ACSL6: variants seen among roughly 807,000 people sequenced by gnomAD.
ACSL6 encodes the protein acyl-CoA synthetase long chain family member 6, also known as long-chain-fatty-acid--CoA ligase 6.
In ACSL6, 47 loss-of-function variants were observed where a neutral mutation model predicts 98.2. The ratio of observed to expected loss-of-function variants is 0.48; its 90% CI spans 0.38 to 0.61. The LOEUF (loss-of-function observed/expected upper bound fraction) is 0.61. ACSL6 is among the 20% of genes least tolerant of loss of function. The pLI is 0.00. For synonymous variants in ACSL6, 362 were observed against 336.9 expected (o/e 1.07, Z -0.82); for missense variants, 761 against 913.4 (o/e 0.83, Z 2.15).
rs867975684 is a variant in ACSL6, at chr5:132,004,219, C to T, written c.49+7286G>A. 7.7e-3 allele frequency among the ~76,000 whole-genome samples: 1,065 copies of T among 138,986 alleles called. 14 individuals are homozygous for T. The highest frequency in any genetic ancestry group is 0.025 in the African/African-American group (949 of 37,898). The allele number at this position is 138,986 out of a possible 152,430, so 91.2% of individuals were successfully genotyped here. ...TCCATGCCAAGGTCAGGCTTCTATC[C>T]TTTTTTTTTTTTTTTGGCTGACTTT... On this transcript the variant is annotated intron_variant, in intron 1 of 20. Transcript: ENST00000651883.
chr5:131,972,137 A>G (rs1418990241), intron 13 of ACSL6, among the ~76,000 whole-genome samples: 1 of 152,252 alleles, frequency 6.6e-6, no homozygotes, highest in Non-Finnish European at 1.5e-5. Context: ...AAGTTGAGCC[A>G]AGATATTTTA....
chr5:131,967,114 G>A (rs1481156248), intron 16 of ACSL6, among the ~76,000 whole-genome samples: 1 of 152,164 alleles, frequency 6.6e-6, no homozygotes, highest in African/African-American at 2.4e-5. Flanking sequence ...GGAAGCCGAG[G>A]CAGGAAGGAT....
At chr5:131,991,065 C>G in intron 2 of ACSL6, 98 bp from the exon 3 acceptor site, 1 of 977,278 alleles carries the variant, frequency 1.0e-6, no homozygotes, top group Non-Finnish European at 1.6e-6. Context: ...CTCGGATGTA[C>G]AACCCGTGCA....
At chr5:131,959,700 T>C (rs1752597749) in intron 19 of ACSL6, 93 bp from the exon 20 acceptor site, 1 of 1,231,242 alleles carries the variant, frequency 8.1e-7, no homozygotes, top group Non-Finnish European at 1.2e-6. Context: ...GTACAACTGA[T>C]GATTGTGCCA....
rs915327796 is a variant in ACSL6 at position 131,973,179 on chromosome 5, T to C, written c.1203+87A>G. 5.2e-6 allele frequency: 8 copies of C among 1,527,712 alleles called. No homozygotes were observed. In the African/African-American group the frequency reaches 9.6e-5, roughly 18 times the overall value. The allele number at this position is 1,527,712 out of a possible 1,614,324, so 94.6% of individuals were successfully genotyped here. On this transcript the variant is annotated intron_variant, in intron 12 of 20. Transcript: ENST00000651883. ...TTCCAGGACTTGGCAGTGGAGGCAC[T>C]GAAAGCCTGCCTGGGGCTCCAGACC...
intron 2 of ACSL6, among the ~76,000 whole-genome samples, chr5:131,992,912 G>A (rs768433098): frequency 6.6e-5 from 10 of 152,206 alleles, no homozygotes; most frequent in Non-Finnish European, 1.3e-4. Context: ...GAAAGCAGGT[G>A]CTCTTTTTAT....
At chr5:131,965,334 C>T (rs751959088) in intron 17 of ACSL6, among the ~76,000 whole-genome samples, 22 of 152,164 alleles carry the variant, frequency 1.4e-4, no homozygotes, top group Non-Finnish European at 2.5e-4. Context: ...CCTATGTGCC[C>T]GGTACTGTGC....
At chr5:131,971,759 G>A (rs750192048) in intron 13 of ACSL6, 114 bp from the exon 14 acceptor site, 11 of 812,728 alleles carry the variant, frequency 1.4e-5, no homozygotes, top group Non-Finnish European at 1.9e-5. Flanking sequence ...GGATGCTAGG[G>A]CTGGGATCAG....
chr5:131,967,082 C>T (rs1161029438), intron 16 of ACSL6, among the ~76,000 whole-genome samples: 1 of 152,140 alleles, frequency 6.6e-6, no homozygotes, highest in African/African-American at 2.4e-5. Context: ...TGATGGCTAG[C>T]ACCTGTAATC....
chr5:132,011,689 C>A (rs191607058), upstream of ACSL6: 7 of 1,269,464 alleles, frequency 5.5e-6, no homozygotes, highest in Admixed American at 3.0e-4. The surrounding 1 kb of genome is among the most constrained non-coding windows in gnomAD (Gnocchi z 5.4). Context: ...GCCCTCCGGC[C>A]CCGCAGCTCC....
chr5:131,997,305 G>A lies in ACSL6; in HGVS notation c.50-3054C>T, dbSNP rs1374394176. Among the ~76,000 whole-genome samples, 5 of 152,240 alleles carry A rather than the reference G, an allele frequency of 3.3e-5. No homozygotes were observed. The East Asian group carries it at 9.6e-4, about 29-fold the overall frequency. Reference sequence around the variant, plus strand: ...GAGGCTCCACTGGAGAAGCCACCTTGTTCAGCAAGCGAGGCACACAGTAAA... The same window carrying A: ...GAGGCTCCACTGGAGAAGCCACCTTATTCAGCAAGCGAGGCACACAGTAAA... On this transcript the variant is annotated intron_variant, in intron 1 of 20. Transcript: ENST00000651883.
chr5:132,000,967 G>T (rs867751643), intron 1 of ACSL6, among the ~76,000 whole-genome samples: 3 of 152,076 alleles, frequency 2.0e-5, no homozygotes, highest in Non-Finnish European at 2.9e-5. Flanking sequence ...TGAGAAGAGC[G>T]TCCTGCCTCA....
At chr5:131,986,906 CTT>C in intron 7 of ACSL6, 52 bp from the exon 8 acceptor site, 6 of 1,580,158 alleles carry the variant, frequency 3.8e-6, no homozygotes, top group Non-Finnish European at 4.3e-6. Context: ...CTCTCTCTCT[CTT>C]TCTGTCCCTC....
intron 19 of ACSL6, among the ~76,000 whole-genome samples, chr5:131,960,144 C>T (rs1453616157): frequency 6.6e-6 from 1 of 152,196 alleles, no homozygotes; most frequent in Non-Finnish European, 1.5e-5. Flanking sequence ...CACCTTACAT[C>T]TGAAGGAGCA....
chr5:131,968,114 G>A, intron 15 of ACSL6, 86 bp from the exon 16 acceptor site: 2 of 1,106,030 alleles, frequency 1.8e-6, no homozygotes, highest in Non-Finnish European at 2.7e-6. Flanking sequence ...AAATCTCTGA[G>A]TGGCCAAAGT....
Position 131,989,502 on chromosome 5 carries a change from C to A in ACSL6, c.457G>T (p.Asp153Tyr), listed in dbSNP as rs759609202. The A allele has an allele frequency of 1.2e-6, 2 of 1,608,934 alleles. No individual in the cohort carries two copies. Among genetic ancestry groups the A allele is most frequent in the Admixed American group, 1.7e-5 (1 of 59,730 alleles). Residue 153 changes from aspartate (D) to tyrosine (Y), a missense_variant, in exon 5 of 21, where the codon GAC becomes TAC. By Grantham distance (160) the Asp-to-Tyr change is radical. Transcript: ENST00000651883. ...CCGGACCCCAGAAATTCAGCCCTGT[C>A]GGCCACCTGCACACAGATGTGGGGA... ...YQWLSYQEVA[D>Y]RAEFLGSGLL...
chr5:131,988,247 G>A (rs201264972), intron 6 of ACSL6, 21 bp from the exon 7 acceptor site: 228 of 1,612,532 alleles, frequency 1.4e-4, no homozygotes, highest in Middle Eastern at 8.3e-4. Context: ...CCATCAAGGA[G>A]AGTCAGGCCA....
chr5:131,970,264 C>A, intron 14 of ACSL6, 64 bp from the exon 15 acceptor site: 1 of 1,479,380 alleles, frequency 6.8e-7, no homozygotes, highest in South Asian at 1.1e-5. Flanking sequence ...CTGGCCACCC[C>A]TTCCAGACAG....
chr5:132,008,764 A>G (rs879366230), intron 1 of ACSL6, among the ~76,000 whole-genome samples: 1 of 152,208 alleles, frequency 6.6e-6, no homozygotes, highest in Non-Finnish European at 1.5e-5. Context: ...ATTCCCCTGA[A>G]TGCTGCAGAA....
Sources: allele counts gnomAD v4.1 joint callset (sites outside exome capture counted in the v4.1 genomes callset), GRCh38; gene constraint gnomAD v4.1.1; non-coding constraint Gnocchi (gnomAD v3.1); transcripts MANE v1.5; gene names NCBI Gene and HGNC (gene_info 2026-07-23, HGNC 2026-07-21).